Variants in CPXM2 observed in about 807,000 individuals in gnomAD.
CPXM2 encodes carboxypeptidase X, M14 family member 2.
In CPXM2, 66 loss-of-function variants were observed where a neutral mutation model predicts 86.1. The ratio of observed to expected loss-of-function variants is 0.77; its 90% CI spans 0.63 to 0.94. The LOEUF (loss-of-function observed/expected upper bound fraction) is 0.94, where lower values mean the gene tolerates loss of function less well. Among genes scored for constraint, CPXM2 ranks in the 40% least tolerant of loss-of-function variants. The pLI, the probability that CPXM2 is intolerant of heterozygous loss-of-function variation, is 0.00. For missense variants in CPXM2, 948 were observed against 1,026.3 expected, an observed-to-expected ratio of 0.92 and a Z score of 1.04; for synonymous variants, 388 against 400.2, an observed-to-expected ratio of 0.97 and a Z score of 0.36.
At chr10:123,940,451 C>T (rs1361157473), upstream of CPXM2, among the ~76,000 whole-genome samples, 1 of 152,206 alleles carries the variant, frequency 6.6e-6, no homozygotes. Flanking sequence ...AGATCCACCC[C>T]AGAACCCACC....
chr10:123,927,167 C>T (rs1945629841), intron 2 of CPXM2, among the ~76,000 whole-genome samples: 1 of 152,184 alleles, frequency 6.6e-6, no homozygotes, highest in South Asian at 2.1e-4. Context: ...TCCAGCTCAC[C>T]ACTGGGCCTT....
intron 7 of CPXM2, among the ~76,000 whole-genome samples, chr10:123,779,602 G>A (rs1414878750): frequency 1.3e-5 from 2 of 152,182 alleles, no homozygotes; most frequent in African/African-American, 4.8e-5. Flanking sequence ...TCAATTATCA[G>A]TAGCTTCACA....
At position 123,754,834 on chromosome 10, in the gene CPXM2, G is replaced by T; in HGVS notation, c.1918-72C>A. 1.2e-6 allele frequency: 1 copy of T among 845,524 alleles called. No individual in the cohort carries two copies. 52.4% of individuals were successfully genotyped at this position (845,524 alleles called of 1,614,324 possible). ...GGACACAACCGGCACAACAGAGTGG[G>T]CTGTCAACCCACCATTGGCCGGTTC... On this transcript the variant is annotated intron_variant, in intron 12 of 13. Transcript: ENST00000241305. The surrounding 1 kb of genome is among the most constrained non-coding windows in gnomAD (Gnocchi z 4.0).
In CPXM2 at chr10:123,768,716, G is replaced by T. The variant is rs1348025071; in HGVS notation, c.1109C>A (p.Pro370His). The change falls in exon 9 of 14, where the codon CCC becomes CAC. Residue 370 changes from proline to histidine, a missense_variant. Pro to His is a moderately conservative substitution (Grantham distance 77). Coordinates refer to ENST00000241305, the MANE Select transcript of CPXM2 (RefSeq NM_198148.3). ...GGCCCCCGCGATGTAGTGGAACTCG[G>T]GCTCACCTTTACTCAAAGACAGAGA... ...DHPGEHEVGE[P>H]EFHYIAGAHG... 11 of 1,608,024 alleles carry T rather than the reference G, an allele frequency of 6.8e-6. No individual in the cohort carries two copies. In the East Asian group the frequency reaches 2.2e-4, roughly 33 times the overall value.
chr10:123,864,742 C>T (rs2134201692), intron 2 of CPXM2, among the ~76,000 whole-genome samples: 1 of 152,292 alleles, frequency 6.6e-6, no homozygotes, highest in East Asian at 1.9e-4. Flanking sequence ...AATAAAGCAA[C>T]AATAATTGCT....
upstream of CPXM2, among the ~76,000 whole-genome samples, chr10:123,895,243 C>A (rs1945327606): frequency 6.6e-6 from 1 of 150,900 alleles, no homozygotes; most frequent in South Asian, 2.1e-4. Context: ...CCTGCCACAG[C>A]CTCCCAAGTA....
rs1443103671 is a variant in CPXM2, at chr10:123,766,967, A to T, written c.1479+6T>A. 10 of 1,611,504 alleles carry T rather than the reference A, an allele frequency of 6.2e-6. No homozygotes were observed. The highest frequency in any genetic ancestry group is 1.7e-4 in the Middle Eastern group (1 of 6,056). ...TGCTTTACAGATGACGGGTATTTTG[A>T]CTCACCGTGGCATTTTCCGACAGAA... On this transcript the variant is annotated splice_donor_region_variant and intron_variant, in intron 10 of 13. Coordinates refer to ENST00000241305, the MANE Select transcript of CPXM2 (RefSeq NM_198148.3).
chr10:123,780,317 T>C, intron 6 of CPXM2, 62 bp from the exon 7 acceptor site: 1 of 1,064,146 alleles, frequency 9.4e-7, no homozygotes, highest in Middle Eastern at 2.0e-4. Flanking sequence ...GGCACCTCTG[T>C]TAGAGACACA....
intron 3 of CPXM2, among the ~76,000 whole-genome samples, chr10:123,862,277 G>A (rs146307210): frequency 1.5e-4 from 23 of 152,310 alleles, no homozygotes; most frequent in African/African-American, 5.5e-4. Flanking sequence ...CGTGTGCCAC[G>A]GCTCTGCCCC....
intron 8 of CPXM2, among the ~76,000 whole-genome samples, chr10:123,770,190 C>T (rs1846594583): frequency 6.6e-6 from 1 of 152,174 alleles, no homozygotes; most frequent in African/African-American, 2.4e-5. Flanking sequence ...AGGAGAATTG[C>T]TTGAACCCAG....
intron 4 of CPXM2, among the ~76,000 whole-genome samples, chr10:123,826,178 C>A (rs1359251315): frequency 6.6e-6 from 1 of 152,194 alleles, no homozygotes; most frequent in South Asian, 2.1e-4. Context: ...AACTTGCTCT[C>A]AGTCACACAG....
chr10:123,796,729 C>A (rs1847343032), intron 6 of CPXM2, among the ~76,000 whole-genome samples: 1 of 152,204 alleles, frequency 6.6e-6, no homozygotes, highest in Non-Finnish European at 1.5e-5. Flanking sequence ...TGGTACCCTG[C>A]CCCAGGCAGT....
intron 4 of CPXM2, among the ~76,000 whole-genome samples, chr10:123,817,312 CA>C (rs1308314103): frequency 7.2e-5 from 11 of 152,136 alleles, no homozygotes; most frequent in Non-Finnish European, 1.5e-4. Flanking sequence ...GAGGCGTCAG[CA>C]GAAGATAGGC....
chr10:123,938,340 A>G (rs1945742024), intron 2 of CPXM2, among the ~76,000 whole-genome samples: 2 of 152,202 alleles, frequency 1.3e-5, no homozygotes, highest in Admixed American at 1.3e-4. Context: ...TCATGAAGCC[A>G]GTGGTCTGGA....
At chr10:123,934,315 T>C (rs1338196606) in intron 2 of CPXM2, among the ~76,000 whole-genome samples, 2 of 152,278 alleles carry the variant, frequency 1.3e-5, no homozygotes, top group East Asian at 1.9e-4. Flanking sequence ...CAGAACCACA[T>C]GCCTCTGGAG....
chr10:123,926,947 C>A (rs905558283), intron 2 of CPXM2, among the ~76,000 whole-genome samples: 2 of 152,204 alleles, frequency 1.3e-5, no homozygotes, highest in Admixed American at 1.3e-4. Flanking sequence ...ACTGACAGAG[C>A]CTCTCAGAGA....
In CPXM2 at chr10:123,832,008, G is replaced by A. The variant is rs534019739; in HGVS notation, c.653+10341C>T. 2.8e-3 allele frequency among the ~76,000 whole-genome samples: 421 copies of A among 151,324 alleles called. 1 individual carries two copies. Among genetic ancestry groups the A allele is most frequent in the Non-Finnish European group, 5.2e-3 (354 of 67,668 alleles). ...GGGGTGGGGTGGGGAACAGACTGGT[G>A]CAGGGCAGTGGTGTGATTATTTTGC... On this transcript the variant is annotated intron_variant, in intron 4 of 13. Coordinates refer to ENST00000241305, the MANE Select transcript of CPXM2 (RefSeq NM_198148.3).
chr10:123,901,338 T>C (rs1945379043), intron 2 of CPXM2, among the ~76,000 whole-genome samples: 1 of 152,054 alleles, frequency 6.6e-6, no homozygotes, highest in Non-Finnish European at 1.5e-5. Flanking sequence ...AATCACATGC[T>C]GAGACCCAGT....
chr10:123,914,638 G>A (rs538038136), intron 2 of CPXM2, among the ~76,000 whole-genome samples: 1 of 152,256 alleles, frequency 6.6e-6, no homozygotes, highest in East Asian at 1.9e-4. Flanking sequence ...CCAGAAGCCT[G>A]GCACCCGGGC....
Sources: allele counts gnomAD v4.1 joint callset (sites outside exome capture counted in the v4.1 genomes callset), GRCh38; gene constraint gnomAD v4.1.1; non-coding constraint Gnocchi (gnomAD v3.1); transcripts MANE v1.5; gene names NCBI Gene and HGNC (gene_info 2026-07-23, HGNC 2026-07-21).